The following TES variants were observed in gnomAD, a reference collection of about 807,000 sequenced individuals.
The protein encoded by TES is testin LIM domain protein.
A neutral mutation model predicts 48.2 loss-of-function variants in TES; 41 were observed. That is an observed-to-expected ratio of 0.85 (90% CI 0.66 to 1.10). TES has a LOEUF of 1.10. Among genes scored for constraint, TES ranks in the 50% least tolerant of loss-of-function variants. The pLI is 0.00. For synonymous variants in TES, 162 were observed against 174.9 expected (o/e 0.93, Z 0.58); for missense variants, 463 against 515.1 (o/e 0.90, Z 0.98).
chr7:116,250,524 T>C (rs750636290), intron 4 of TES, 28 bp downstream of exon 4: 5 of 1,453,274 alleles, frequency 3.4e-6, no homozygotes, highest in Admixed American at 2.6e-5. Flanking sequence ...ACTGTTAGCC[T>C]GATTTGTATA....
At chr7:116,247,512 CTT>C (rs575518328) in intron 2 of TES, among the ~76,000 whole-genome samples, 1 of 149,482 alleles carries the variant, frequency 6.7e-6, no homozygotes, top group Admixed American at 6.7e-5. Context: ...TTTAATCAGT[CTT>C]TTTTTTTAAT....
In TES at chr7:116,252,444, T is replaced by A; in HGVS notation, c.1045T>A (p.Cys349Ser). The stretch of plus-strand genomic sequence containing the variant: ...CGTGATGGTCAATGACAAGCCCGTG[T>A]GCAAGCCCTGCTATGTGAAGAATCA... ...IYVMVNDKPVCKPCYVKNHAV... is the reference protein window; with the variant it reads ...IYVMVNDKPVSKPCYVKNHAV... The change falls in exon 6 of 7, where the codon TGC (cysteine) becomes AGC (serine). Residue 349 changes from cysteine (C) to serine (S), a missense_variant. Physicochemically the swap from Cys to Ser is moderately radical, Grantham distance 112. Coordinates refer to ENST00000358204, the MANE Select transcript of TES (RefSeq NM_015641.4). 1 of 1,614,244 alleles carries A rather than the reference T, an allele frequency of 6.2e-7. No homozygotes were observed. The highest frequency in any genetic ancestry group is 8.5e-7 in the Non-Finnish European group (1 of 1,180,044).
intron 1 of TES, among the ~76,000 whole-genome samples, chr7:116,216,941 T>C (rs1308657099): frequency 6.6e-6 from 1 of 152,232 alleles, no homozygotes; most frequent in African/African-American, 2.4e-5. Flanking sequence ...GTTAAAATAA[T>C]TTTAAAAGAT....
intron 2 of TES, among the ~76,000 whole-genome samples, chr7:116,235,074 G>A (rs1799751046): frequency 6.6e-6 from 1 of 152,132 alleles, no homozygotes; most frequent in Non-Finnish European, 1.5e-5. Flanking sequence ...CTCCTGAATA[G>A]CTGAGATTAC....
chr7:116,256,882 CAT>C (rs1395283630), intron 6 of TES, among the ~76,000 whole-genome samples: 3 of 152,152 alleles, frequency 2.0e-5, no homozygotes, highest in African/African-American at 2.4e-5. Context: ...TTAATAATCT[CAT>C]GTGTCATAGG....
intron 2 of TES, among the ~76,000 whole-genome samples, chr7:116,243,473 C>T (rs1799876850): frequency 6.6e-6 from 1 of 152,164 alleles, no homozygotes; most frequent in African/African-American, 2.4e-5. Context: ...CACAGATGAT[C>T]TCTTTAACTC....
chr7:116,215,097 A>G (rs550263815), intron 1 of TES, among the ~76,000 whole-genome samples: 2 of 152,324 alleles, frequency 1.3e-5, no homozygotes, highest in African/African-American at 4.8e-5. Flanking sequence ...AACCTTAGGA[A>G]GTAGGCCTTA....
intron 2 of TES, among the ~76,000 whole-genome samples, chr7:116,236,305 T>G (rs1373172910): frequency 6.6e-6 from 1 of 152,166 alleles, no homozygotes; most frequent in Non-Finnish European, 1.5e-5. Flanking sequence ...TTCTTGAGTG[T>G]CAACACGATG....
At chr7:116,239,477 C>T (rs1025141964) in intron 2 of TES, among the ~76,000 whole-genome samples, 3 of 152,128 alleles carry the variant, frequency 2.0e-5, no homozygotes, top group South Asian at 2.1e-4. Context: ...AAATCAAAGA[C>T]GTAGGAAAGT....
In TES at chr7:116,257,642, T is replaced by G. The variant is rs1471020422; in HGVS notation, c.*160T>G. On this transcript the variant is annotated 3_prime_UTR_variant, in exon 7 of 7. Transcript: ENST00000358204. ...TTGGCCATTTTTTCTTCATCAATTT[T>G]TTTTCGGTCTCAACTTTTAAACTTG... is the stretch of plus-strand genomic sequence containing the variant. 1.7e-6 allele frequency: 1 copy of G among 602,928 alleles called. No individual in the cohort carries two copies. The highest frequency in any genetic ancestry group is 2.6e-6 in the Non-Finnish European group (1 of 383,728). 37.3% of individuals were successfully genotyped at this position (602,928 alleles called of 1,614,324 possible).
chr7:116,215,955 A>G (rs1472192202), intron 1 of TES, among the ~76,000 whole-genome samples: 1 of 152,298 alleles, frequency 6.6e-6, no homozygotes, highest in Middle Eastern at 3.4e-3. Context: ...CCCATTCTTC[A>G]TGCAAAAACA....
intron 1 of TES, among the ~76,000 whole-genome samples, chr7:116,214,308 A>G (rs1054332156): frequency 2.9e-4 from 44 of 152,188 alleles, no homozygotes; most frequent in African/African-American, 1.1e-3. Flanking sequence ...GGACTAAACT[A>G]CAAAGATTAT....
At chr7:116,210,809 C>A in intron 1 of TES, 75 bp downstream of exon 1, 1 of 1,203,836 alleles carries the variant, frequency 8.3e-7, no homozygotes, top group Non-Finnish European at 1.0e-6. Context: ...CCGGAGGTGC[C>A]GAGGTGGGTG....
chr7:116,257,152 T>C, intron 6 of TES, 142 bp from the exon 7 acceptor site: 1 of 888,158 alleles, frequency 1.1e-6, no homozygotes, highest in East Asian at 2.9e-5. Context: ...AAAGGTTAGC[T>C]AGAAGGCCAC....
intron 1 of TES, among the ~76,000 whole-genome samples, chr7:116,220,605 G>A (rs1799544493): frequency 6.6e-6 from 1 of 152,140 alleles, no homozygotes. Context: ...CTGACATATA[G>A]CAAGTACCTG....
chr7:116,250,602 A>C (rs576947920), intron 4 of TES, 106 bp downstream of exon 4: 4 of 831,832 alleles, frequency 4.8e-6, no homozygotes, highest in Non-Finnish European at 6.9e-6. Context: ...TCCAAAAGGG[A>C]ATAAGTATGG....
Position 116,250,274 on chromosome 7 carries a change from C to A in TES, c.480C>A (p.Asp160Glu). 6.2e-7 allele frequency: 1 copy of A among 1,613,308 alleles called. No homozygotes were observed. The highest frequency in any genetic ancestry group is 1.1e-5 in the South Asian group (1 of 90,836). Residue 160 changes from aspartate (D) to glutamate (E), a missense_variant, in exon 4 of 7, where the codon GAC (aspartate) becomes GAA (glutamate). Transcript: ENST00000358204. ...AGCAGCTCCCTGCACATGACCAGGA[C>A]CCTTCAAAGTGCCATGAGTTGTCTC... ...LAKQLPAHDQ[D>E]PSKCHELSPR...
chr7:116,226,691 T>G (rs1052094555), intron 1 of TES, among the ~76,000 whole-genome samples: 1 of 152,160 alleles, frequency 6.6e-6, no homozygotes, highest in African/African-American at 2.4e-5. Context: ...GGTCTCAGGA[T>G]GATATGATGT....
chr7:116,243,541 T>G (rs1347282086), intron 2 of TES, among the ~76,000 whole-genome samples: 1 of 152,172 alleles, frequency 6.6e-6, no homozygotes, highest in East Asian at 1.9e-4. Flanking sequence ...CAGGCTACAG[T>G]TTTTAACATG....
Sources: gnomAD v4.1 joint callset for allele counts (sites outside exome capture counted in the v4.1 genomes callset) on GRCh38, gnomAD v4.1.1 for gene constraint, MANE v1.5 for transcripts, NCBI Gene and HGNC (gene_info 2026-07-23, HGNC 2026-07-21) for gene names.